The following ATP2C2 variants were observed in gnomAD, a reference collection of about 807,000 sequenced individuals.
ATP2C2 encodes calcium-transporting ATPase type 2C member 2.
ATP2C2 carries 171 observed loss-of-function variants against 110.8 expected under a neutral mutation model. The observed-to-expected ratio is 1.54, with a 90% CI of 1.36 to 1.75. The LOEUF (loss-of-function observed/expected upper bound fraction) is 1.75. Among genes scored for constraint, ATP2C2 ranks in the 40% most tolerant of loss-of-function variants. The pLI is 0.00. For missense variants in ATP2C2, 1,963 were observed against 1,235.0 expected (o/e 1.59, Z -8.84); for synonymous variants, 804 against 508.4 (o/e 1.58, Z -7.82).
intron 7 of ATP2C2, among the ~76,000 whole-genome samples, chr16:84,416,539 C>G (rs1167526799): frequency 6.6e-6 from 1 of 152,182 alleles, no homozygotes; most frequent in Non-Finnish European, 1.5e-5. Flanking sequence ...CCCCTGGGAC[C>G]TGGGTTTACA....
intron 1 of ATP2C2, among the ~76,000 whole-genome samples, chr16:84,392,438 G>A (rs563928725): frequency 6.6e-6 from 1 of 152,214 alleles, no homozygotes; most frequent in South Asian, 2.1e-4. Flanking sequence ...GTCTCTGATG[G>A]TTCTCTGCGT....
chr16:84,425,959 G>T, intron 11 of ATP2C2, 158 bp downstream of exon 11: 1 of 799,772 alleles, frequency 1.3e-6, no homozygotes. Context: ...CATGTTCTCC[G>T]ACAGGTACAG....
chr16:84,391,951 G>A (rs75849515), intron 1 of ATP2C2, among the ~76,000 whole-genome samples: 2 of 148,842 alleles, frequency 1.3e-5, no homozygotes, highest in East Asian at 2.0e-4. Context: ...ATTATATTAC[G>A]ACGATTGTTC....
intron 7 of ATP2C2, among the ~76,000 whole-genome samples, chr16:84,420,215 C>G (rs1177414709): frequency 6.6e-6 from 1 of 152,150 alleles, no homozygotes; most frequent in Non-Finnish European, 1.5e-5. Flanking sequence ...TGTTTATCGT[C>G]ATTTCCCCCA....
chr16:84,403,863 G>C (rs1320445224), intron 2 of ATP2C2, among the ~76,000 whole-genome samples: 3 of 152,142 alleles, frequency 2.0e-5, no homozygotes, highest in Non-Finnish European at 2.9e-5. Flanking sequence ...GCTAATTCTT[G>C]TATTTTTAGT....
chr16:84,385,857 C>G (rs72804670), intron 1 of ATP2C2, among the ~76,000 whole-genome samples: 9 of 152,176 alleles, frequency 5.9e-5, no homozygotes, highest in Non-Finnish European at 1.3e-4. Flanking sequence ...CCCCAACATG[C>G]GGGGATTACA....
At chr16:84,459,681 G>A in intron 23 of ATP2C2, 1 of 1,208,764 alleles carries the variant, frequency 8.3e-7, no homozygotes, top group African/African-American at 1.5e-5. Flanking sequence ...CCAGTCACCA[G>A]TCACTGCCTT....
At chr16:84,458,421 A>C (rs1910896689) in intron 21 of ATP2C2, among the ~76,000 whole-genome samples, 1 of 142,672 alleles carries the variant, frequency 7.0e-6, no homozygotes, top group Non-Finnish European at 1.5e-5. Context: ...GGTGCAGCGC[A>C]CCAGCATGGC....
intron 18 of ATP2C2, 89 bp from the exon 19 acceptor site, chr16:84,453,049 T>C (rs1409542862): frequency 1.3e-5 from 18 of 1,335,098 alleles, no homozygotes; most frequent in Admixed American, 4.1e-5. Flanking sequence ...GGTTTTATTC[T>C]TGGTGTTCCC....
intron 1 of ATP2C2, among the ~76,000 whole-genome samples, chr16:84,393,074 G>C (rs544110247): frequency 6.6e-6 from 1 of 152,192 alleles, no homozygotes; most frequent in South Asian, 2.1e-4. Context: ...GTCCTGATCA[G>C]CAGCGGGCAC....
intron 1 of ATP2C2, among the ~76,000 whole-genome samples, chr16:84,383,576 G>T (rs548418377): frequency 6.6e-6 from 1 of 152,146 alleles, no homozygotes. Flanking sequence ...GGACAGAAAA[G>T]TTGTAAGAAG....
At chr16:84,400,471 C>A (rs769304231) in intron 2 of ATP2C2, among the ~76,000 whole-genome samples, 2 of 151,984 alleles carry the variant, frequency 1.3e-5, no homozygotes, top group African/African-American at 4.8e-5. Context: ...GGACTACAGG[C>A]GCCTGCCACC....
At chr16:84,460,176 C>T (rs920804159) in intron 23 of ATP2C2, 2 of 209,696 alleles carry the variant, frequency 9.5e-6, no homozygotes, top group African/African-American at 4.6e-5. Flanking sequence ...AGGAAGCTGG[C>T]CTCAGCTGTG....
chr16:84,429,144 T>TTTTG (rs201731171), intron 11 of ATP2C2, among the ~76,000 whole-genome samples: 16 of 106,152 alleles, frequency 1.5e-4, no homozygotes, highest in African/African-American at 2.7e-4. Flanking sequence ...GCGTTGTTTT[T>TTTTG]TTTGTTTGTT....
intron 16 of ATP2C2, among the ~76,000 whole-genome samples, chr16:84,447,549 G>A (rs926466164): frequency 6.6e-6 from 1 of 150,696 alleles, no homozygotes; most frequent in Non-Finnish European, 1.5e-5. Context: ...TATTTATAGT[G>A]TGTGTAATTT....
At chr16:84,371,870 T>C (rs1443205728) in intron 1 of ATP2C2, among the ~76,000 whole-genome samples, 1 of 152,162 alleles carries the variant, frequency 6.6e-6, no homozygotes, top group African/African-American at 2.4e-5. Flanking sequence ...CAGCTGGAGT[T>C]GGGGCTGATA....
intron 1 of ATP2C2, among the ~76,000 whole-genome samples, chr16:84,396,750 C>G (rs957674801): frequency 6.6e-5 from 10 of 151,690 alleles, no homozygotes; most frequent in African/African-American, 2.2e-4. Context: ...CTTGTGCAAT[C>G]CACATTTTTC....
chr16:84,380,474 G>T (rs1044220250), intron 1 of ATP2C2, among the ~76,000 whole-genome samples: 6 of 152,046 alleles, frequency 3.9e-5, no homozygotes, highest in African/African-American at 1.5e-4. Context: ...CCACTTTATG[G>T]ATCCTATTTT....
chr16:84,411,435 G>A (rs1036385797), intron 6 of ATP2C2, among the ~76,000 whole-genome samples: 1 of 152,112 alleles, frequency 6.6e-6, no homozygotes, highest in Non-Finnish European at 1.5e-5. Context: ...TATGGCATCT[G>A]ACAATTCTTT....
Sources: gnomAD v4.1 joint callset for allele counts (sites outside exome capture counted in the v4.1 genomes callset) on GRCh38, gnomAD v4.1.1 for gene constraint, MANE v1.5 for transcripts, NCBI Gene and HGNC (gene_info 2026-07-23, HGNC 2026-07-21) for gene names.